The following MEGF6 variants were observed in gnomAD, a reference collection of about 807,000 sequenced individuals.
MEGF6 encodes multiple EGF like domains 6.
In MEGF6, 184 loss-of-function variants were observed where a neutral mutation model predicts 207.1. The observed-to-expected ratio is 0.89, with a 90% CI of 0.79 to 1.00. MEGF6 has a LOEUF of 1.00. MEGF6 is among the 50% of genes least tolerant of loss of function. MEGF6 has a pLI of 0.00. For missense variants in MEGF6, 2,282 were observed against 2,202.9 expected (o/e 1.04, Z -0.72); for synonymous variants, 1,038 against 910.0 (o/e 1.14, Z -2.53).
intron 4 of MEGF6, chr1:3,531,536 T>G: frequency 1.2e-6 from 1 of 860,586 alleles, no homozygotes; most frequent in Non-Finnish European, 1.3e-6. Flanking sequence ...CCGCCCCACC[T>G]CCCCCAGGGG....
At chr1:3,519,995 G>A (rs1200134898) in intron 5 of MEGF6, among the ~76,000 whole-genome samples, 1 of 152,242 alleles carries the variant, frequency 6.6e-6, no homozygotes, top group Non-Finnish European at 1.5e-5. Flanking sequence ...CAGGCCACCA[G>A]GGTGTGACAA....
At chr1:3,528,467 G>A (rs1393936718) in intron 4 of MEGF6, among the ~76,000 whole-genome samples, 1 of 152,206 alleles carries the variant, frequency 6.6e-6, no homozygotes, top group African/African-American at 2.4e-5. Flanking sequence ...AATAACGAAT[G>A]TCCCCCAGAC....
chr1:3,520,578 G>A (rs1380987943), intron 5 of MEGF6, among the ~76,000 whole-genome samples: 2 of 152,108 alleles, frequency 1.3e-5, no homozygotes, highest in Non-Finnish European at 1.5e-5. Context: ...GGCACACCAG[G>A]ACTGAGCGGC....
intron 5 of MEGF6, among the ~76,000 whole-genome samples, chr1:3,517,793 G>C (rs1212086211): frequency 6.6e-6 from 1 of 152,228 alleles, no homozygotes; most frequent in African/African-American, 2.4e-5. Flanking sequence ...CCCAGTGGGG[G>C]AAGACCCTCC....
At chr1:3,491,590 G>A (rs1418060052) in intron 35 of MEGF6, among the ~76,000 whole-genome samples, 1 of 152,026 alleles carries the variant, frequency 6.6e-6, no homozygotes, top group East Asian at 1.9e-4. Context: ...GACTATTTGG[G>A]GGCCTCCAAG....
chr1:3,619,680 C>A, the MEGF6 span, among the ~76,000 whole-genome samples: 1 of 152,238 alleles, frequency 6.6e-6, no homozygotes, highest in Non-Finnish European at 1.5e-5. Flanking sequence ...GAGGCCTCCC[C>A]AGCCGGGTGT....
At chr1:3,600,381 T>G (rs1468429335) in intron 2 of MEGF6, among the ~76,000 whole-genome samples, 1 of 152,088 alleles carries the variant, frequency 6.6e-6, no homozygotes, top group Non-Finnish European at 1.5e-5. Context: ...CACAGTGAGT[T>G]GGGAACCTGG....
At chr1:3,597,623 G>A (rs984695990) in intron 2 of MEGF6, among the ~76,000 whole-genome samples, 7 of 152,200 alleles carry the variant, frequency 4.6e-5, no homozygotes, top group Non-Finnish European at 4.4e-5. Context: ...AAATTTGGAC[G>A]CAGGCACAGG....
upstream of MEGF6, among the ~76,000 whole-genome samples, chr1:3,614,101 C>T (rs1372396634): frequency 2.0e-5 from 3 of 152,184 alleles, no homozygotes; most frequent in Non-Finnish European, 4.4e-5. Flanking sequence ...GGCAATCCAC[C>T]GGGGAGGTCT....
intron 4 of MEGF6, among the ~76,000 whole-genome samples, chr1:3,542,084 C>T (rs541960260): frequency 1.3e-5 from 2 of 152,196 alleles, no homozygotes; most frequent in Non-Finnish European, 2.9e-5. Flanking sequence ...GGCCGCCTCC[C>T]CCAACCCCCG....
At chr1:3,587,304 G>C (rs895986965) in intron 3 of MEGF6, among the ~76,000 whole-genome samples, 12 of 152,250 alleles carry the variant, frequency 7.9e-5, no homozygotes, top group African/African-American at 2.9e-4. Context: ...TGCCCCGAAG[G>C]CTCTGCCACA....
chr1:3,611,121 C>G lies in MEGF6; in HGVS notation c.131+17G>C, dbSNP rs1478659077. The G allele has an allele frequency of 6.7e-7, 1 of 1,494,154 alleles. No individual in the cohort carries two copies. The highest frequency in any genetic ancestry group is 2.3e-4 in the Middle Eastern group (1 of 4,408). The allele number at this position is 1,494,154 out of a possible 1,614,324, so 92.6% of individuals were successfully genotyped here. A position where few individuals can be genotyped will look rare whatever the true frequency, so the allele number is the denominator to read the frequency against. On this transcript the variant is annotated intron_variant, in intron 1 of 36. Transcript: ENST00000356575. ...CCCTGGACGACCGGCCGAGCCCTCC[C>G]AGCTCCTGCTACTCACATGCCGGGC...
rs1420451209 is a variant in MEGF6, at chr1:3,595,443, CG to C, written c.270del (p.Val91SerfsTer87). Reference sequence around the variant, plus strand: ...ACCTGCCTGTAGCCCATGTAGTAGACGGTTCTAGAAAGAAAGAGAGAAGGGA... The same window carrying C: ...ACCTGCCTGTAGCCCATGTAGTAGACGTTCTAGAAAGAAAGAGAGAAGGGA... ...QAWCVGHERR[T>X]VYYMGYRQVY... On this transcript the variant is annotated frameshift_variant, in exon 3 of 37. Coordinates refer to ENST00000356575, the MANE Select transcript of MEGF6 (RefSeq NM_001409.4). LOFTEE classifies it high-confidence loss of function. 5 of 1,611,882 alleles carry C rather than the reference CG, an allele frequency of 3.1e-6. No homozygotes were observed. The highest frequency in any genetic ancestry group is 4.2e-6 in the Non-Finnish European group (5 of 1,179,372).
At chr1:3,499,438 A>G in intron 23 of MEGF6, 150 bp downstream of exon 23, 1 of 1,404,434 alleles carries the variant, frequency 7.1e-7, no homozygotes, top group Non-Finnish European at 9.5e-7. Context: ...AAAAAGGACC[A>G]ACGCTCTGGC....
chr1:3,509,211 C>A lies in MEGF6; in HGVS notation c.1392G>T (p.Glu464Asp). 6.4e-7 allele frequency: 1 copy of A among 1,550,696 alleles called. No homozygotes were observed. Among genetic ancestry groups the A allele is most frequent in the Non-Finnish European group, 8.7e-7 (1 of 1,147,244 alleles). ...GGGGCAGGGGCCGCACGAAAGGCAGCTCGCCGTCCAGGTCCACCATCGGCT... is the reference window on the plus strand; with the variant it reads ...GGGGCAGGGGCCGCACGAAAGGCAGATCGCCGTCCAGGTCCACCATCGGCT... ...LEEPMVDLDG[E>D]LPFVRPLPHI... The change falls in exon 12 of 37, where the codon GAG (glutamate) becomes GAT (aspartate). Residue 464 changes from glutamate (E) to aspartate (D), a missense_variant. Transcript: ENST00000356575.
rs1365885102 is a variant in MEGF6 at position 3,562,368 on chromosome 1, CTT to C, written c.481+17455_481+17456del. On this transcript the variant is annotated intron_variant, in intron 4 of 36. Transcript: ENST00000356575. ...TCTCTTTGTCTGTCTCTCCATCTCT[CTT>C]TGTGTCTCCCTCTCTGTCTTTGTCT... Among the ~76,000 whole-genome samples, 9 of 152,326 alleles carry C rather than the reference CTT, an allele frequency of 5.9e-5. No individual in the cohort carries two copies. In the East Asian group the frequency reaches 1.5e-3, roughly 26 times the overall value.
At chr1:3,621,576 C>G in the MEGF6 span, among the ~76,000 whole-genome samples, 3 of 152,172 alleles carry the variant, frequency 2.0e-5, no homozygotes, top group Non-Finnish European at 4.4e-5. Context: ...TTTTATATAT[C>G]TTATTACACC....
chr1:3,544,933 C>T (rs902003549), intron 4 of MEGF6, among the ~76,000 whole-genome samples: 5 of 152,170 alleles, frequency 3.3e-5, no homozygotes, highest in Non-Finnish European at 7.4e-5. Context: ...GAGGATGACT[C>T]GGGTCACCGG....
At chr1:3,497,404 G>A (rs369385634) in intron 26 of MEGF6, 43 bp from the exon 27 acceptor site, 144 of 1,478,644 alleles carry the variant, frequency 9.7e-5, no homozygotes, top group Admixed American at 5.6e-4. Context: ...GGAGGGGCCC[G>A]TGGGGATCTG....
Sources: allele counts gnomAD v4.1 joint callset (sites outside exome capture counted in the v4.1 genomes callset), GRCh38; gene constraint gnomAD v4.1.1; transcripts MANE v1.5; gene names NCBI Gene and HGNC (gene_info 2026-07-23, HGNC 2026-07-21).